The following CLCN7 variants were observed in gnomAD, a reference collection of about 807,000 sequenced individuals.
The protein encoded by CLCN7 is H(+)/Cl(-) exchange transporter 7.
A neutral mutation model predicts 102.1 loss-of-function variants in CLCN7; 60 were observed. The observed-to-expected ratio is 0.59, with a 90% CI of 0.48 to 0.73. The LOEUF (loss-of-function observed/expected upper bound fraction) is 0.73. CLCN7 is among the 30% of genes least tolerant of loss of function. The pLI is 0.00. For missense variants in CLCN7, 962 were observed against 1,125.7 expected (o/e 0.85, Z 2.08); for synonymous variants, 560 against 490.5 (o/e 1.14, Z -1.87).
Position 1,447,036 on chromosome 16 carries a change from C to G in CLCN7, c.2301G>C (p.Arg767=). The G allele has an allele frequency of 6.2e-7, 1 of 1,602,050 alleles. No homozygotes were observed. The highest frequency in any genetic ancestry group is 8.5e-7 in the Non-Finnish European group (1 of 1,177,782). Residue 767 remains arginine (R), a synonymous_variant, in exon 24 of 25, where the codon CGG becomes CGC. Coordinates refer to ENST00000382745, the MANE Select transcript of CLCN7 (RefSeq NM_001287.6). ...VFKLFRALGL[R]HLVVVDNRNQ... The stretch of plus-strand genomic sequence containing the variant: ...TGCGGTTGTCCACCACCACCAGGTG[C>G]CGCAGGCCCAGGGCCCGGAACAGCT...
intron 17 of CLCN7, 57 bp downstream of exon 17, chr16:1,450,440 G>A: frequency 6.0e-6 from 9 of 1,504,716 alleles, no homozygotes; most frequent in Non-Finnish European, 8.1e-6. Flanking sequence ...GGCCCGCGAT[G>A]CCGCAAGACC....
intron 17 of CLCN7, 72 bp downstream of exon 17, chr16:1,450,425 G>T (rs2038726267): frequency 1.4e-6 from 2 of 1,425,198 alleles, no homozygotes; most frequent in Admixed American, 4.1e-5. Context: ...TGGGACTTCT[G>T]CTCCGGCCCG....
At chr16:1,453,071 G>C (rs991813364) in intron 14 of CLCN7, among the ~76,000 whole-genome samples, 178 bp from the exon 15 acceptor site, 1 of 152,140 alleles carries the variant, frequency 6.6e-6, no homozygotes, top group Non-Finnish European at 1.5e-5. Context: ...GCAGTGCTGC[G>C]ATCTTGGCTC....
chr16:1,460,448 G>A lies in CLCN7; in HGVS notation c.564C>T (p.Leu188=), dbSNP rs781074115. The change falls in exon 6 of 25, where the codon CTC becomes CTT. Residue 188 remains leucine, a synonymous_variant. Transcript: ENST00000382745. ...TGAAAGCCACAATCACAGAGCCCACGAGCACGAAGGCGGCGTTCAGCGTGG... is the reference window on the plus strand; with the variant it reads ...TGAAAGCCACAATCACAGAGCCCACAAGCACGAAGGCGGCGTTCAGCGTGG... ...LWATLNAAFV[L]VGSVIVAFIE... is the part of the protein sequence containing the mutation. The A allele has an allele frequency of 1.8e-5, 29 of 1,613,548 alleles. No individual in the cohort carries two copies. Among genetic ancestry groups the A allele is most frequent in the African/African-American group, 1.7e-4 (13 of 74,924 alleles).
At chr16:1,459,301 G>A (rs2038891824) in intron 6 of CLCN7, 114 bp from the exon 7 acceptor site, 2 of 844,712 alleles carry the variant, frequency 2.4e-6, no homozygotes, top group African/African-American at 1.7e-5. Context: ...CGGGGCCTCA[G>A]GGAAGGGGAG....
chr16:1,460,709 G>T (rs2038921476), intron 5 of CLCN7, 107 bp downstream of exon 5: 1 of 1,550,796 alleles, frequency 6.4e-7, no homozygotes. Flanking sequence ...GCCTGGCCGG[G>T]CCGCCTCCAC....
Position 1,457,528 on chromosome 16 carries a change from G to A in CLCN7, c.738+166C>T, listed in dbSNP as rs567223160. ...ACCGGTGCTCAGAGACACGCGTGAC[G>A]CGGCCCTTCCTGGAGACCAGAAGGA... On this transcript the variant is annotated intron_variant, in intron 8 of 24. Coordinates refer to ENST00000382745, the MANE Select transcript of CLCN7 (RefSeq NM_001287.6). This position sits in a 1 kb window ranked among gnomAD's most constrained non-coding sequence, Gnocchi z 5.4. 3.3e-4 allele frequency: 212 copies of A among 651,500 alleles called. 2 individuals carry two copies. In the East Asian group the frequency reaches 5.4e-3, roughly 17 times the overall value. 40.4% of individuals were successfully genotyped at this position (651,500 alleles called of 1,614,324 possible).
In CLCN7 at chr16:1,474,894, C is replaced by T. The variant is rs2039130229; in HGVS notation, c.81G>A (p.Thr27=). 6.9e-7 allele frequency: 1 copy of T among 1,457,368 alleles called. No individual in the cohort carries two copies. The highest frequency in any genetic ancestry group is 9.0e-7 in the Non-Finnish European group (1 of 1,107,904). The allele number at this position is 1,457,368 out of a possible 1,614,324, so 90.3% of individuals were successfully genotyped here. The change falls in exon 1 of 25, where the codon ACG becomes ACA. Residue 27 remains threonine, a synonymous_variant. Coordinates refer to ENST00000382745, the MANE Select transcript of CLCN7 (RefSeq NM_001287.6). The part of the protein sequence containing the change: ...DEEAAPLLRR[T]ARPGGGTPLL... The stretch of plus-strand genomic sequence containing the variant: ...GCGGCGTCCCCCCGCCGGGCCGCGC[C>T]GTCCTCCGCAGCAGCGGCGCCGCCT...
Position 1,446,687 on chromosome 16 carries a change from C to T in CLCN7, c.2362G>A (p.Ala788Thr), listed in dbSNP as rs201361839. The change falls in exon 25 of 25, where the codon GCC becomes ACC. Residue 788 changes from alanine to threonine, a missense_variant. Physicochemically the swap from Ala to Thr is moderately conservative, Grantham distance 58 (BLOSUM62 0). Transcript: ENST00000382745. ...VVGLVTRKDL[A>T]RYRLGKRGLE... ...CCTCTCTTTCCCAGGCGGTACCTGG[C>T]GAGGTCCTTCCTGGTCACCAACCCG... 5 of 1,590,412 alleles carry T rather than the reference C, an allele frequency of 3.1e-6. No individual in the cohort carries two copies. The highest frequency in any genetic ancestry group is 2.3e-5 in the East Asian group (1 of 43,424).
At chr16:1,453,747 G>C in intron 14 of CLCN7, 87 bp downstream of exon 14, 1 of 1,257,562 alleles carries the variant, frequency 8.0e-7, no homozygotes, top group Non-Finnish European at 1.2e-6. Flanking sequence ...TGGCCTAGGA[G>C]TGTAAACCCC....
At position 1,450,526 on chromosome 16, in the gene CLCN7, T is replaced by C; in HGVS notation, c.1588A>G (p.Ile530Val). 6.2e-7 allele frequency: 1 copy of C among 1,608,674 alleles called. No individual in the cohort carries two copies. Among genetic ancestry groups the C allele is most frequent in the Non-Finnish European group, 8.5e-7 (1 of 1,178,442 alleles). ...IGAAWGRLFG[I>V]SLSYLTGAAI... is the part of the protein sequence containing the mutation. Reference sequence around the variant, plus strand: ...GCCCCCGTGAGGTAGGACAGGGAGATCCCAAAGAGCCGGCCCCAGGCAGCC... The same window carrying C: ...GCCCCCGTGAGGTAGGACAGGGAGACCCCAAAGAGCCGGCCCCAGGCAGCC... The change falls in exon 17 of 25, where the codon ATC (isoleucine) becomes GTC (valine). Residue 530 changes from isoleucine (I) to valine (V), a missense_variant. By Grantham distance (29) the Ile-to-Val change is conservative (BLOSUM62 3). Coordinates refer to ENST00000382745, the MANE Select transcript of CLCN7 (RefSeq NM_001287.6).
At chr16:1,474,482 A>T (rs931508399) in intron 1 of CLCN7, 2 of 345,084 alleles carry the variant, frequency 5.8e-6, no homozygotes, top group African/African-American at 2.2e-5. Flanking sequence ...CTGAACAGAA[A>T]GCCACTTGCA....
chr16:1,456,986 C>T (rs1567269732), intron 9 of CLCN7, among the ~76,000 whole-genome samples: 1 of 152,174 alleles, frequency 6.6e-6, no homozygotes, highest in African/African-American at 2.4e-5. Flanking sequence ...CTGCACTCCT[C>T]TGAGAAGCCG....
In CLCN7 at chr16:1,448,371, T is replaced by C. The variant is rs1596211465; in HGVS notation, c.1997A>G (p.His666Arg). 6.2e-7 allele frequency: 1 copy of C among 1,612,772 alleles called. No homozygotes were observed. ...GCCCGGTACCTGGGTGTCATCGGCA[T>C]GCTCCACCACGGGGAAGCCGTTGTG... ...SNHNGFPVVEHADDTQPARLQ... is the reference protein window; with the variant it reads ...SNHNGFPVVERADDTQPARLQ... The change falls in exon 21 of 25, where the codon CAT becomes CGT. Residue 666 changes from histidine (H) to arginine (R), a missense_variant. Physicochemically the swap from His to Arg is conservative, Grantham distance 29 (BLOSUM62 0). Around this residue, in one of 2 missense-constraint regions of CLCN7, gnomAD observed 799 missense variants for 988.0 expected, o/e 0.81. Coordinates refer to ENST00000382745, the MANE Select transcript of CLCN7 (RefSeq NM_001287.6).
Position 1,457,373 on chromosome 16 carries a change from G to A in CLCN7, c.739-36C>T, listed in dbSNP as rs527274128. The A allele has an allele frequency of 1.1e-5, 17 of 1,577,120 alleles. No individual in the cohort carries two copies. The highest frequency in any genetic ancestry group is 5.0e-5 in the Admixed American group (3 of 59,698). On this transcript the variant is annotated intron_variant, in intron 8 of 24. Transcript: ENST00000382745. This position sits in a 1 kb window ranked among gnomAD's most constrained non-coding sequence, Gnocchi z 5.4. ...GAAGGACCGGTGCTCAGAGACACGC[G>A]TGACGCGGCCCTTCCTGGAGACCAG...
chr16:1,449,344 G>A lies in CLCN7; in HGVS notation c.1618-17C>T, dbSNP rs371926159. On this transcript the variant is annotated splice_polypyrimidine_tract_variant and intron_variant, in intron 17 of 24. Coordinates refer to ENST00000382745, the MANE Select transcript of CLCN7 (RefSeq NM_001287.6). ...CGCCCAGATCTGTGGGAGGTGACACGGAGGAGGTGTCAGTGTGGTGGCAGG... is the reference window on the plus strand; with the variant it reads ...CGCCCAGATCTGTGGGAGGTGACACAGAGGAGGTGTCAGTGTGGTGGCAGG... 42 of 1,577,170 alleles carry A rather than the reference G, an allele frequency of 2.7e-5. No individual in the cohort carries two copies. The highest frequency in any genetic ancestry group is 1.7e-4 in the Middle Eastern group (1 of 6,010).
chr16:1,447,171 C>A (rs983333766), intron 23 of CLCN7, 85 bp from the exon 24 acceptor site: 30 of 1,353,988 alleles, frequency 2.2e-5, no homozygotes, highest in Non-Finnish European at 2.7e-5. Flanking sequence ...CTGCACCCCC[C>A]ACCACGGCGT....
At chr16:1,458,316 G>A (rs894278022) in intron 7 of CLCN7, among the ~76,000 whole-genome samples, 1 of 152,258 alleles carries the variant, frequency 6.6e-6, no homozygotes, top group Non-Finnish European at 1.5e-5. Context: ...GGCGCTGAGT[G>A]TGTGGGGGAG....
At position 1,447,258 on chromosome 16, in the gene CLCN7, G is replaced by A. The variant is rs186542111; in HGVS notation, c.2250+134C>T. ...TGACTTCAGCTCTAAAGCCTGCCAG[G>A]CCCTTCACAGGAGACAGAGTCACCG... On this transcript the variant is annotated intron_variant, in intron 23 of 24. Coordinates refer to ENST00000382745, the MANE Select transcript of CLCN7 (RefSeq NM_001287.6). 1.7e-3 allele frequency: 1,942 copies of A among 1,176,594 alleles called. 5 individuals carry two copies. Among genetic ancestry groups the A allele is most frequent in the Non-Finnish European group, 1.9e-3 (1,589 of 833,482 alleles). The allele number at this position is 1,176,594 out of a possible 1,614,324, so 72.9% of individuals were successfully genotyped here. A position where few individuals can be genotyped will look rare whatever the true frequency, so the allele number is the denominator to read the frequency against.
Sources: allele counts gnomAD v4.1 joint callset (sites outside exome capture counted in the v4.1 genomes callset), GRCh38; gene constraint gnomAD v4.1.1; regional missense constraint gnomAD v4.1.1; non-coding constraint Gnocchi (gnomAD v3.1); transcripts MANE v1.5; gene names NCBI Gene and HGNC (gene_info 2026-07-23, HGNC 2026-07-21).